Variants in WWOX observed in about 807,000 individuals in gnomAD.
WWOX encodes WW domain-containing oxidoreductase.
In WWOX, 69 loss-of-function variants were observed where a neutral mutation model predicts 46.2. That is an observed-to-expected ratio of 1.49 (90% CI 1.23 to 1.82). WWOX has a LOEUF of 1.82. WWOX is among the 40% of genes most tolerant of loss of function. The pLI is 0.00. For synonymous variants in WWOX, 359 were observed against 202.6 expected (o/e 1.77, Z -6.56); for missense variants, 919 against 542.6 (o/e 1.69, Z -6.89).
chr16:78,104,076 C>T lies in WWOX; in HGVS notation c.107+4191C>T, dbSNP rs570569147. ...GGAGATGGGAAGTGAGGGACAAGGT[C>T]TCAGTGTCAGAGCCGTCCTTGTTTG... On this transcript the variant is annotated intron_variant, in intron 1 of 8. Coordinates refer to ENST00000566780, the MANE Select transcript of WWOX (RefSeq NM_016373.4). Among the ~76,000 whole-genome samples, 3 of 152,216 alleles carry T rather than the reference C, an allele frequency of 2.0e-5. No homozygotes were observed. The East Asian group carries it at 5.8e-4, about 30-fold the overall frequency.
At chr16:78,201,953 G>A (rs2036245359) in intron 5 of WWOX, among the ~76,000 whole-genome samples, 1 of 151,916 alleles carries the variant, frequency 6.6e-6, no homozygotes, top group Non-Finnish European at 1.5e-5. Context: ...CACCCGCCTC[G>A]GCCTCCCAAA....
intron 8 of WWOX, among the ~76,000 whole-genome samples, chr16:78,973,604 A>T (rs887389651): frequency 3.3e-5 from 5 of 152,034 alleles, no homozygotes; most frequent in African/African-American, 9.7e-5. Context: ...AGTCTCTCAA[A>T]CTGTAGGAGG....
chr16:78,442,429 C>A (rs76450841), intron 8 of WWOX, among the ~76,000 whole-genome samples: 2,225 of 152,108 alleles, frequency 0.015, 59 homozygotes, highest in African/African-American at 0.051. Flanking sequence ...CCACTATCTC[C>A]CCATTTATCA....
intron 8 of WWOX, among the ~76,000 whole-genome samples, chr16:79,052,104 A>G (rs955745321): frequency 7.3e-5 from 11 of 150,854 alleles, no homozygotes; most frequent in African/African-American, 2.4e-4. Context: ...TTAGTTACAT[A>G]TGTATACATG....
chr16:78,903,727 A>T (rs2044886580), intron 8 of WWOX, among the ~76,000 whole-genome samples: 1 of 152,228 alleles, frequency 6.6e-6, no homozygotes, highest in Non-Finnish European at 1.5e-5. Context: ...GTCTTCTTCA[A>T]GCTGCCATCC....
At chr16:78,338,593 T>C (rs528237285) in intron 5 of WWOX, among the ~76,000 whole-genome samples, 1 of 121,374 alleles carries the variant, frequency 8.2e-6, no homozygotes, top group South Asian at 2.5e-4. Context: ...GCCTATTTTC[T>C]CCTGAATTTT....
chr16:78,833,124 C>T (rs930178965), intron 8 of WWOX, among the ~76,000 whole-genome samples: 4 of 151,914 alleles, frequency 2.6e-5, no homozygotes, highest in Non-Finnish European at 5.9e-5. Context: ...TCACTGCAGC[C>T]TCCAACTCCT....
intron 1 of WWOX, among the ~76,000 whole-genome samples, chr16:78,104,969 G>C (rs1184572517): frequency 6.6e-6 from 1 of 152,166 alleles, no homozygotes; most frequent in South Asian, 2.1e-4. Context: ...AGAAAACCTT[G>C]GCAGTTGGGC....
intron 8 of WWOX, among the ~76,000 whole-genome samples, chr16:78,627,702 C>T (rs2046341431): frequency 6.6e-6 from 1 of 152,246 alleles, no homozygotes; most frequent in South Asian, 2.1e-4. Flanking sequence ...GATGCAAATC[C>T]TGGGAAGACT....
intron 5 of WWOX, among the ~76,000 whole-genome samples, chr16:78,294,446 A>G (rs993669990): frequency 3.3e-5 from 5 of 152,038 alleles, no homozygotes; most frequent in African/African-American, 1.2e-4. Context: ...TACTTGTTCT[A>G]TAAGAGCCAT....
Position 78,594,575 on chromosome 16 carries a change from G to T in WWOX, c.1056+161823G>T, listed in dbSNP as rs1456907861. On this transcript the variant is annotated intron_variant, in intron 8 of 8. Coordinates refer to ENST00000566780, the MANE Select transcript of WWOX (RefSeq NM_016373.4). ...GGCTCAAACTCATAGTTTTCAGGTG[G>T]CATAAGCCATGGCATTTTCACCTCC... Among the ~76,000 whole-genome samples the T allele has an allele frequency of 2.0e-5, 3 of 151,700 alleles. No individual in the cohort carries two copies. The East Asian group carries it at 5.8e-4, about 30-fold the overall frequency.
intron 8 of WWOX, among the ~76,000 whole-genome samples, chr16:78,737,896 G>C (rs558950890): frequency 6.6e-6 from 1 of 152,200 alleles, no homozygotes; most frequent in East Asian, 1.9e-4. Context: ...AAGGCCATGA[G>C]TTCCCAGTCA....
chr16:78,268,626 G>A (rs2079415103), intron 5 of WWOX, among the ~76,000 whole-genome samples: 2 of 152,116 alleles, frequency 1.3e-5, no homozygotes, highest in South Asian at 4.1e-4. Context: ...CCTAGGTCTG[G>A]TTTCTTGGTT....
chr16:79,100,611 AC>A (rs2049172476), intron 8 of WWOX, among the ~76,000 whole-genome samples: 1 of 152,134 alleles, frequency 6.6e-6, no homozygotes, highest in African/African-American at 2.4e-5. Context: ...GTGTCTCTTA[AC>A]AAATGTTGTT....
chr16:78,102,039 G>A (rs1221786781), intron 1 of WWOX, among the ~76,000 whole-genome samples: 1 of 152,136 alleles, frequency 6.6e-6, no homozygotes, highest in Non-Finnish European at 1.5e-5. Context: ...TCCCGCATCA[G>A]CCTGTTGAGT....
chr16:78,900,536 G>C (rs1567636197), intron 8 of WWOX, among the ~76,000 whole-genome samples: 1 of 152,130 alleles, frequency 6.6e-6, no homozygotes, highest in Non-Finnish European at 1.5e-5. Flanking sequence ...AATTTTCTAA[G>C]CAGAGGTTCC....
chr16:78,554,017 C>T (rs183021776), intron 8 of WWOX, among the ~76,000 whole-genome samples: 4 of 152,124 alleles, frequency 2.6e-5, no homozygotes, highest in African/African-American at 4.8e-5. Context: ...TCAAACACGC[C>T]GTCAAGCAGG....
At chr16:78,322,509 A>G (rs918776329) in intron 5 of WWOX, among the ~76,000 whole-genome samples, 4 of 152,180 alleles carry the variant, frequency 2.6e-5, no homozygotes, top group African/African-American at 9.7e-5. Context: ...AGCCCAATTT[A>G]AGGATGGGGA....
At chr16:78,359,149 C>A (rs1276892561) in intron 5 of WWOX, among the ~76,000 whole-genome samples, 1 of 152,134 alleles carries the variant, frequency 6.6e-6, no homozygotes, top group Non-Finnish European at 1.5e-5. Context: ...TCTGTACCTT[C>A]CTATACCTTC....
Sources: gnomAD v4.1 joint callset for allele counts (sites outside exome capture counted in the v4.1 genomes callset) on GRCh38, gnomAD v4.1.1 for gene constraint, MANE v1.5 for transcripts, NCBI Gene and HGNC (gene_info 2026-07-23, HGNC 2026-07-21) for gene names.